Variants in SOX6 observed in about 807,000 individuals in gnomAD.
The protein encoded by SOX6 is transcription factor SOX-6.
SOX6 carries 11 observed loss-of-function variants against 97.8 expected under a neutral mutation model. The observed-to-expected ratio is 0.11, with a 90% CI of 0.07 to 0.19. The LOEUF is 0.19. Among genes scored for constraint, SOX6 ranks in the 10% least tolerant of loss-of-function variants. The probability of loss-of-function intolerance (pLI) is 1.00; values close to 1 mark genes in which losing one functional copy is unlikely to be tolerated. For missense variants in SOX6, 810 were observed against 1,039.5 expected (o/e 0.78, Z 3.04); for synonymous variants, 360 against 371.4 (o/e 0.97, Z 0.35).
chr11:16,529,251 T>C (rs1276266988), intron 4 of SOX6, among the ~76,000 whole-genome samples: 1 of 152,084 alleles, frequency 6.6e-6, no homozygotes, highest in Non-Finnish European at 1.5e-5. Flanking sequence ...TAATTAGAGT[T>C]ATAGAAGCAC....
intron 4 of SOX6, among the ~76,000 whole-genome samples, chr11:16,563,507 A>C (rs1000573974): frequency 6.6e-6 from 1 of 152,186 alleles, no homozygotes; most frequent in Non-Finnish European, 1.5e-5. Flanking sequence ...CAATTGTAGA[A>C]TGGAAAGCAC....
At chr11:16,239,397 C>A (rs1447494825) in intron 3 of SOX6, among the ~76,000 whole-genome samples, 1 of 152,028 alleles carries the variant, frequency 6.6e-6, no homozygotes, top group Non-Finnish European at 1.5e-5. Flanking sequence ...CAGGCCTGCT[C>A]TTCACGCTGG....
chr11:16,232,523 A>C (rs1054853126), intron 4 of SOX6, among the ~76,000 whole-genome samples: 5 of 152,064 alleles, frequency 3.3e-5, no homozygotes, highest in African/African-American at 1.2e-4. Context: ...TGATTTATAC[A>C]TTCCAAGTAT....
At chr11:16,045,315 T>C (rs577199737) in intron 12 of SOX6, among the ~76,000 whole-genome samples, 48 of 152,222 alleles carry the variant, frequency 3.2e-4, no homozygotes, top group African/African-American at 1.1e-3. Flanking sequence ...TTAGATGAGG[T>C]TATGAGGGTA....
intron 2 of SOX6, among the ~76,000 whole-genome samples, chr11:16,333,371 A>G (rs564915345): frequency 8.5e-5 from 13 of 152,192 alleles, no homozygotes; most frequent in Non-Finnish European, 1.8e-4. Flanking sequence ...TTATGAAAAA[A>G]TGTGCAGATT....
chr11:16,669,329 T>C (rs568501643), intron 3 of SOX6, among the ~76,000 whole-genome samples: 1 of 152,268 alleles, frequency 6.6e-6, no homozygotes, highest in African/African-American at 2.4e-5. Context: ...AAATTAAAAC[T>C]TTTCAAACAA....
intron 3 of SOX6, among the ~76,000 whole-genome samples, chr11:16,639,875 T>A (rs1848867212): frequency 6.6e-6 from 1 of 152,278 alleles, no homozygotes; most frequent in Non-Finnish European, 1.5e-5. Flanking sequence ...TTTGACTTCC[T>A]CTTTTCCTAA....
intron 4 of SOX6, among the ~76,000 whole-genome samples, chr11:16,499,544 G>A (rs574138213): frequency 2.1e-4 from 32 of 151,994 alleles, no homozygotes; most frequent in East Asian, 9.7e-4. Flanking sequence ...AAAGATCAAC[G>A]AAATTGATAA....
At chr11:16,504,133 T>C (rs1860749256) in intron 4 of SOX6, among the ~76,000 whole-genome samples, 1 of 151,708 alleles carries the variant, frequency 6.6e-6, no homozygotes, top group South Asian at 2.1e-4. Flanking sequence ...CCCCCAAATA[T>C]ATAAAGCAAA....
chr11:16,409,745 CA>C (rs1378710490), intron 1 of SOX6, among the ~76,000 whole-genome samples: 1 of 151,580 alleles, frequency 6.6e-6, no homozygotes, highest in Non-Finnish European at 1.5e-5. Flanking sequence ...GGATAGAAGA[CA>C]AAACCTACCA....
intron 13 of SOX6, among the ~76,000 whole-genome samples, chr11:15,996,034 A>C (rs912982181): frequency 5.3e-5 from 8 of 152,210 alleles, no homozygotes; most frequent in African/African-American, 1.9e-4. Flanking sequence ...GAAAGGAAGA[A>C]TATCAAAAAT....
At chr11:16,078,689 T>C (rs1246029852) in intron 9 of SOX6, among the ~76,000 whole-genome samples, 2 of 152,060 alleles carry the variant, frequency 1.3e-5, no homozygotes, top group Non-Finnish European at 2.9e-5. Flanking sequence ...ATATGTGCTA[T>C]GAAATATAAA....
intron 2 of SOX6, among the ~76,000 whole-genome samples, chr11:16,330,829 T>C (rs1856268785): frequency 1.3e-5 from 2 of 152,122 alleles, no homozygotes; most frequent in Admixed American, 6.6e-5. Context: ...TAAAGTGACT[T>C]CCCTAAGGTC....
At chr11:16,731,117 A>T (rs1848346164) in intron 2 of SOX6, among the ~76,000 whole-genome samples, 1 of 152,160 alleles carries the variant, frequency 6.6e-6, no homozygotes, top group South Asian at 2.1e-4. Context: ...TAGCCTACCA[A>T]CAAAAAGAAG....
chr11:16,464,715 C>T (rs1053148341), intron 1 of SOX6, among the ~76,000 whole-genome samples: 1 of 152,072 alleles, frequency 6.6e-6, no homozygotes, highest in African/African-American at 2.4e-5. Flanking sequence ...TATACAATAT[C>T]AGAGTGTAAT....
chr11:16,327,311 C>G (rs1185739863), intron 2 of SOX6, among the ~76,000 whole-genome samples: 2 of 152,110 alleles, frequency 1.3e-5, no homozygotes, highest in Non-Finnish European at 2.9e-5. Flanking sequence ...ATGATAGCTA[C>G]TCTTATTAAA....
At chr11:16,296,837 G>A (rs1210336900) in intron 3 of SOX6, among the ~76,000 whole-genome samples, 3 of 151,952 alleles carry the variant, frequency 2.0e-5, no homozygotes, top group Non-Finnish European at 4.4e-5. Context: ...TATCATTACT[G>A]GGTAATGTTA....
intron 13 of SOX6, among the ~76,000 whole-genome samples, chr11:16,014,057 T>C (rs1312665670): frequency 6.6e-6 from 1 of 152,054 alleles, no homozygotes; most frequent in Non-Finnish European, 1.5e-5. Flanking sequence ...TAATCTTCCC[T>C]GACTGGTGGG....
chr11:15,966,703 T>C lies in SOX6; in HGVS notation c.*6106A>G, dbSNP rs1180155493. ...AAAAAAAGTAGCTAAGGTGCCAACA[T>C]ACACCAGGATAGATAAAGACAGTGT... On this transcript the variant is annotated 3_prime_UTR_variant, in exon 16 of 16. Coordinates refer to ENST00000683767, the MANE Select transcript of SOX6 (RefSeq NM_001367873.1). 6.6e-6 allele frequency: 1 copy of C among 151,920 alleles called. No homozygotes were observed. The highest frequency in any genetic ancestry group is 1.5e-5 in the Non-Finnish European group (1 of 67,982). 9.4% of individuals were successfully genotyped at this position (151,920 alleles called of 1,614,324 possible).
Sources: gnomAD v4.1 joint callset for allele counts (sites outside exome capture counted in the v4.1 genomes callset) on GRCh38, gnomAD v4.1.1 for gene constraint, MANE v1.5 for transcripts, NCBI Gene and HGNC (gene_info 2026-07-23, HGNC 2026-07-21) for gene names.